LRP6: variants seen among roughly 807,000 people sequenced by gnomAD.
LRP6 encodes the protein low-density lipoprotein receptor-related protein 6.
Under a neutral mutation model 184.1 loss-of-function variants are expected in LRP6, and 43 were observed. The ratio of observed to expected loss-of-function variants is 0.23; its 90% CI spans 0.18 to 0.30. The LOEUF (loss-of-function observed/expected upper bound fraction) is 0.30, where lower values mean the gene tolerates loss of function less well. Ranked by LOEUF, LRP6 falls within the 10% of genes least tolerant of loss-of-function variation. The pLI is 1.00. For missense variants in LRP6, 1,571 were observed against 2,005.3 expected (o/e 0.78, Z 4.14); for synonymous variants, 719 against 684.9 (o/e 1.05, Z -0.78).
chr12:12,217,764 T>C (rs1273302775), intron 2 of LRP6, among the ~76,000 whole-genome samples: 1 of 152,178 alleles, frequency 6.6e-6, no homozygotes, highest in Non-Finnish European at 1.5e-5. Context: ...TCAATGAGGA[T>C]GTGAAGACAG....
At chr12:12,223,921 G>A (rs998409246) in intron 2 of LRP6, among the ~76,000 whole-genome samples, 1 of 152,178 alleles carries the variant, frequency 6.6e-6, no homozygotes, top group East Asian at 1.9e-4. Flanking sequence ...CATTACTAGA[G>A]GTATCAGAAT....
rs1260823053 is a variant in LRP6, at chr12:12,124,551, A to C, written c.4547+14T>G. ...TAAATACTGCACCTTATTTTAGAGA[A>C]GGATGTGTATTACCTGTATGACCTA... On this transcript the variant is annotated intron_variant, in intron 22 of 22. Transcript: ENST00000261349. 1.3e-6 allele frequency: 2 copies of C among 1,549,370 alleles called. No individual in the cohort carries two copies. The highest frequency in any genetic ancestry group is 2.7e-5 in the African/African-American group (2 of 73,612).
chr12:12,179,929 G>A lies in LRP6; in HGVS notation c.1426C>T (p.Leu476=). ...GEIPKIERAA[L]DGSDRVVLVN... is the part of the protein sequence containing the mutation. ...AATACTACACGGTCAGAACCATCCA[G>A]AGCTGCTCGCTCAATTTTCGGAATT... Residue 476 remains leucine, a synonymous_variant, in exon 7 of 23, where the codon CTG becomes TTG. Coordinates refer to ENST00000261349, the MANE Select transcript of LRP6 (RefSeq NM_002336.3). The A allele has an allele frequency of 6.2e-7, 1 of 1,613,910 alleles. No homozygotes were observed. Among genetic ancestry groups the A allele is most frequent in the Non-Finnish European group, 8.5e-7 (1 of 1,179,878 alleles).
At chr12:12,224,298 C>T (rs918602303) in intron 2 of LRP6, among the ~76,000 whole-genome samples, 5 of 152,278 alleles carry the variant, frequency 3.3e-5, no homozygotes, top group Admixed American at 3.3e-4. Context: ...ACATATATAA[C>T]ATCTTACAAA....
At chr12:12,132,162 A>C (rs553820472) in intron 17 of LRP6, 105 bp from the exon 18 acceptor site, 2 of 759,394 alleles carry the variant, frequency 2.6e-6, no homozygotes, top group Non-Finnish European at 4.8e-6. Context: ...AACATACACA[A>C]AATACTTTAT....
In LRP6 at chr12:12,159,950, G is replaced by A. The variant is rs1862699872; in HGVS notation, c.2294C>T (p.Thr765Ile). 1 of 1,607,290 alleles carries A rather than the reference G, an allele frequency of 6.2e-7. No individual in the cohort carries two copies. Among genetic ancestry groups the A allele is most frequent in the Non-Finnish European group, 8.5e-7 (1 of 1,176,464 alleles). ...LDPAEGFMYW[T>I]EWGGKPKIDR... ...TATCTTAGGTTTTCCACCCCATTCA[G>A]TCCAATACATAAATCTAAATTCAAA... The change falls in exon 11 of 23, where the codon ACT becomes ATT. Residue 765 changes from threonine (T) to isoleucine (I), a missense_variant. This residue lies in a region of LRP6 where 158 missense variants were observed against 258.4 expected (regional missense o/e 0.61). Coordinates refer to ENST00000261349, the MANE Select transcript of LRP6 (RefSeq NM_002336.3).
chr12:12,173,108 C>G (rs187516237), intron 7 of LRP6, among the ~76,000 whole-genome samples: 1 of 152,294 alleles, frequency 6.6e-6, no homozygotes, highest in Admixed American at 6.5e-5. Flanking sequence ...GTGACCAAAG[C>G]TTTCTAAAAC....
intron 2 of LRP6, among the ~76,000 whole-genome samples, chr12:12,214,549 C>T (rs1372735466): frequency 5.3e-5 from 8 of 152,168 alleles, no homozygotes; most frequent in African/African-American, 1.7e-4. Context: ...TCTTAAAAGG[C>T]AAAAGCTTAA....
chr12:12,243,940 C>T (rs1565704427), intron 2 of LRP6, among the ~76,000 whole-genome samples: 1 of 152,006 alleles, frequency 6.6e-6, no homozygotes, highest in Non-Finnish European at 1.5e-5. Context: ...TTTAGCTAGC[C>T]AGGTGTGGTA....
At chr12:12,176,913 T>C (rs1863200595) in intron 7 of LRP6, among the ~76,000 whole-genome samples, 1 of 147,302 alleles carries the variant, frequency 6.8e-6, no homozygotes, top group South Asian at 2.2e-4. Flanking sequence ...AATGGCATCA[T>C]CTCGGCTCAC....
At chr12:12,176,371 G>C (rs73055386) in intron 7 of LRP6, among the ~76,000 whole-genome samples, 1 of 152,254 alleles carries the variant, frequency 6.6e-6, no homozygotes, top group Admixed American at 6.5e-5. Context: ...CTGACAAGTA[G>C]GGAAAACAGA....
chr12:12,143,724 A>G (rs1182580554), intron 15 of LRP6, among the ~76,000 whole-genome samples: 2 of 152,226 alleles, frequency 1.3e-5, no homozygotes, highest in Non-Finnish European at 2.9e-5. Flanking sequence ...ACCAAAATCA[A>G]TTCCAGATGG....
At position 12,165,286 on chromosome 12, in the gene LRP6, T is replaced by A; in HGVS notation, c.1555A>T (p.Thr519Ser). ...AKTDKIEVMNTDGTGRRVLVE... is the reference protein window; with the variant it reads ...AKTDKIEVMNSDGTGRRVLVE... ...AGTACTCGTCTCCCAGTGCCATCAG[T>A]ATTCATAACCTTCAGGTTTAAATTC... is the stretch of plus-strand genomic sequence containing the variant. The change falls in exon 8 of 23, where the codon ACT becomes TCT. Residue 519 changes from threonine to serine, a missense_variant. Physicochemically the swap from Thr to Ser is moderately conservative, Grantham distance 58. Around this residue, in one of 4 missense-constraint regions of LRP6, gnomAD observed 640 missense variants for 851.9 expected, o/e 0.75. Transcript: ENST00000261349. The A allele has an allele frequency of 3.1e-6, 5 of 1,610,848 alleles. No individual in the cohort carries two copies. The highest frequency in any genetic ancestry group is 4.2e-6 in the Non-Finnish European group (5 of 1,177,226).
intron 16 of LRP6, among the ~76,000 whole-genome samples, chr12:12,137,302 C>A (rs147988970): frequency 2.0e-5 from 3 of 152,124 alleles, no homozygotes; most frequent in African/African-American, 7.2e-5. Flanking sequence ...TTTTAAAAAA[C>A]GTTTTGCATA....
At chr12:12,128,589 A>C (rs1268542293) in intron 19 of LRP6, among the ~76,000 whole-genome samples, 1 of 152,208 alleles carries the variant, frequency 6.6e-6, no homozygotes, top group Non-Finnish European at 1.5e-5. Context: ...ATGATCAGTC[A>C]TTTCTCCTAG....
intron 3 of LRP6, among the ~76,000 whole-genome samples, chr12:12,194,376 A>T (rs1256908226): frequency 6.6e-6 from 1 of 152,094 alleles, no homozygotes; most frequent in Non-Finnish European, 1.5e-5. Context: ...AAGGAAAAAA[A>T]CTTGATCTGG....
chr12:12,129,827 G>A (rs183631432), intron 19 of LRP6, among the ~76,000 whole-genome samples: 2 of 152,190 alleles, frequency 1.3e-5, no homozygotes, highest in Non-Finnish European at 2.9e-5. Flanking sequence ...TGGGATTACA[G>A]GTGTGAGCCA....
Position 12,161,314 on chromosome 12 carries a change from G to A in LRP6, c.2279+879C>T, listed in dbSNP as rs553706767. 2.0e-5 allele frequency among the ~76,000 whole-genome samples: 3 copies of A among 152,036 alleles called. No individual in the cohort carries two copies. In the East Asian group the frequency reaches 5.8e-4, roughly 29 times the overall value. On this transcript the variant is annotated intron_variant, in intron 10 of 22. Coordinates refer to ENST00000261349, the MANE Select transcript of LRP6 (RefSeq NM_002336.3). Reference sequence around the variant, plus strand: ...ATGGAGTCTTGCTCTGTTGCCCAGGGTGGAGTGCAGTGGCACGATCTCGGC... The same window carrying A: ...ATGGAGTCTTGCTCTGTTGCCCAGGATGGAGTGCAGTGGCACGATCTCGGC...
chr12:12,189,107 A>G (rs917444240), intron 3 of LRP6, among the ~76,000 whole-genome samples: 4 of 152,238 alleles, frequency 2.6e-5, no homozygotes, highest in African/African-American at 4.8e-5. Context: ...AAATAAACAT[A>G]TGGAAAAGGC....
Sources: allele counts gnomAD v4.1 joint callset (sites outside exome capture counted in the v4.1 genomes callset), GRCh38; gene constraint gnomAD v4.1.1; regional missense constraint gnomAD v4.1.1; transcripts MANE v1.5; gene names NCBI Gene and HGNC (gene_info 2026-07-23, HGNC 2026-07-21).